Variants in KDM4C observed in about 807,000 individuals in gnomAD.
KDM4C encodes lysine demethylase 4C.
A neutral mutation model predicts 129.3 loss-of-function variants in KDM4C; 81 were observed. That is an observed-to-expected ratio of 0.63 (90% CI 0.52 to 0.75). KDM4C has a LOEUF of 0.75. Among genes scored for constraint, KDM4C ranks in the 30% least tolerant of loss-of-function variants. The pLI is 0.00. For synonymous variants in KDM4C, 573 were observed against 456.1 expected, an observed-to-expected ratio of 1.26 and a Z score of -3.26; for missense variants, 1,457 against 1,304.0, an observed-to-expected ratio of 1.12 and a Z score of -1.81.
intron 20 of KDM4C, 102 bp from the exon 21 acceptor site, chr9:7,169,696 C>T: frequency 2.2e-6 from 2 of 893,058 alleles, no homozygotes; most frequent in South Asian, 3.9e-5. Flanking sequence ...CTTGTTTGTT[C>T]TGTTTGAGTC....
intron 19 of KDM4C, among the ~76,000 whole-genome samples, chr9:7,135,076 A>G (rs1056363458): frequency 3.3e-5 from 5 of 152,176 alleles, no homozygotes. Context: ...TTGCAGTTGC[A>G]TCTTGTTCCT....
At chr9:6,780,185 C>T (rs774345999) in intron 1 of KDM4C, among the ~76,000 whole-genome samples, 1 of 152,020 alleles carries the variant, frequency 6.6e-6, no homozygotes, top group Non-Finnish European at 1.5e-5. Flanking sequence ...TATTTCCCAT[C>T]CAGTTTATGC....
At chr9:7,027,871 A>G (rs1047737566) in intron 15 of KDM4C, among the ~76,000 whole-genome samples, 20 of 152,338 alleles carry the variant, frequency 1.3e-4, no homozygotes, top group Non-Finnish European at 2.1e-4. Flanking sequence ...CATGACCGCC[A>G]CTACTACAGG....
At chr9:6,837,344 A>G (rs553174432) in intron 4 of KDM4C, among the ~76,000 whole-genome samples, 15 of 152,116 alleles carry the variant, frequency 9.9e-5, no homozygotes, top group African/African-American at 2.9e-4. Flanking sequence ...GGCGTGTGCT[A>G]CTCTGCCCAG....
In KDM4C at chr9:6,752,095, A is replaced by C. The variant is rs185373850; in HGVS notation, c.49+31098A>C. Reference sequence around the variant, plus strand: ...ACGCCTGTAATCCCAGCACTTTGGGAGGCCGAGACGGGCGGATCACGAGGT... The same window carrying C: ...ACGCCTGTAATCCCAGCACTTTGGGCGGCCGAGACGGGCGGATCACGAGGT... On this transcript the variant is annotated intron_variant, in intron 1 of 17. Coordinates refer to the KDM4C transcript ENST00000536108. Among the ~76,000 whole-genome samples, 173 of 150,648 alleles carry C rather than the reference A, an allele frequency of 1.1e-3. 2 individuals are homozygous for C. In the East Asian group the frequency reaches 0.03, roughly 26 times the overall value.
At chr9:7,166,641 A>G (rs1040883880) in intron 20 of KDM4C, among the ~76,000 whole-genome samples, 2 of 152,262 alleles carry the variant, frequency 1.3e-5, no homozygotes, top group African/African-American at 4.8e-5. Context: ...GAAAAGAAGC[A>G]TTACTACATA....
chr9:7,041,240 TA>T (rs1297906783), intron 15 of KDM4C, among the ~76,000 whole-genome samples: 3 of 151,910 alleles, frequency 2.0e-5, no homozygotes, highest in African/African-American at 7.2e-5. Context: ...TATAACAATT[TA>T]CATATCTTTT....
At chr9:6,900,970 TC>T (rs61173936) in intron 8 of KDM4C, among the ~76,000 whole-genome samples, 54,332 of 138,866 alleles carry the variant, frequency 0.39, 10,816 homozygotes, top group Middle Eastern at 0.56. Flanking sequence ...GCTTTAGGAT[TC>T]TTTTTTTTTT....
intron 21 of KDM4C, chr9:7,170,624 G>C (rs1844862073): frequency 1.0e-6 from 1 of 956,162 alleles, no homozygotes; most frequent in African/African-American, 1.8e-5. Context: ...TATTCATTTA[G>C]AATTATATCT....
chr9:6,793,110 C>G lies in KDM4C; in HGVS notation c.122C>G (p.Ala41Gly), dbSNP rs749867269. 1 of 1,613,812 alleles carries G rather than the reference C, an allele frequency of 6.2e-7. No individual in the cohort carries two copies. The highest frequency in any genetic ancestry group is 1.7e-5 in the Admixed American group (1 of 59,982). Reference protein sequence around the residue: ...KYLAYMESKGAHRAGLAKVIP... With the variant: ...KYLAYMESKGGHRAGLAKVIP... ...CTTGCATACATGGAGTCTAAAGGAG[C>G]CCATCGTGCGGGTCTTGCAAAGGTG... Residue 41 changes from alanine (A) to glycine (G), a missense_variant, in exon 2 of 22, where the codon GCC becomes GGC. By Grantham distance (60) the Ala-to-Gly change is moderately conservative. Transcript: ENST00000381309.
At chr9:6,787,710 G>A (rs952234569) in intron 1 of KDM4C, among the ~76,000 whole-genome samples, 6 of 152,148 alleles carry the variant, frequency 3.9e-5, no homozygotes, top group Non-Finnish European at 8.8e-5. Context: ...CCTCCTTGTC[G>A]ACCTCCCTGC....
At chr9:6,858,848 C>A (rs1245063010) in intron 5 of KDM4C, among the ~76,000 whole-genome samples, 2 of 149,266 alleles carry the variant, frequency 1.3e-5, no homozygotes, top group African/African-American at 4.9e-5. Context: ...TTTTTGGTAT[C>A]TCTTTTTTTT....
chr9:6,757,635 G>A (rs1818445895), upstream of KDM4C: 6 of 985,482 alleles, frequency 6.1e-6, no homozygotes, highest in African/African-American at 8.7e-5. Context: ...CCGCGCGTCG[G>A]AGGCCGCCAT....
intron 21 of KDM4C, among the ~76,000 whole-genome samples, chr9:7,172,984 T>C (rs1472275586): frequency 2.6e-5 from 4 of 152,242 alleles, no homozygotes; most frequent in African/African-American, 9.6e-5. Context: ...TTAGGCTTTA[T>C]CTGATTATCA....
intron 4 of KDM4C, among the ~76,000 whole-genome samples, chr9:6,823,330 C>G (rs1278005746): frequency 6.6e-6 from 1 of 152,168 alleles, no homozygotes; most frequent in Admixed American, 6.5e-5. Context: ...GGTAGCTTAT[C>G]CTCACTGTCA....
At chr9:6,798,447 G>C (rs573300597) in intron 2 of KDM4C, among the ~76,000 whole-genome samples, 3 of 150,316 alleles carry the variant, frequency 2.0e-5, no homozygotes, top group South Asian at 4.2e-4. Context: ...GACTCTTAAC[G>C]AGCATGCTGC....
chr9:7,072,762 T>G (rs1833378466), intron 17 of KDM4C, among the ~76,000 whole-genome samples: 1 of 152,192 alleles, frequency 6.6e-6, no homozygotes, highest in South Asian at 2.1e-4. Flanking sequence ...CTTTATGTTA[T>G]TTACGTTGCA....
intron 5 of KDM4C, among the ~76,000 whole-genome samples, chr9:6,876,456 C>T (rs531872988): frequency 1.7e-4 from 26 of 152,276 alleles, no homozygotes; most frequent in African/African-American, 3.6e-4. Context: ...TGTGCAATGT[C>T]TCTTAGATGG....
chr9:6,862,521 G>A (rs767711641), intron 5 of KDM4C, among the ~76,000 whole-genome samples: 2 of 152,126 alleles, frequency 1.3e-5, no homozygotes, highest in African/African-American at 4.8e-5. Context: ...CTAAACTTCA[G>A]GCTGGGTGTG....
Sources: allele counts gnomAD v4.1 joint callset (sites outside exome capture counted in the v4.1 genomes callset), GRCh38; gene constraint gnomAD v4.1.1; transcripts MANE v1.5; gene names NCBI Gene and HGNC (gene_info 2026-07-23, HGNC 2026-07-21).